The following ECT2L variants were observed in gnomAD, a reference collection of about 807,000 sequenced individuals.
ECT2L encodes epithelial cell-transforming sequence 2 oncogene-like.
In ECT2L, 126 loss-of-function variants were observed where a neutral mutation model predicts 122.8. The observed-to-expected ratio is 1.03, with a 90% CI of 0.89 to 1.19. The LOEUF is 1.19. Among genes scored for constraint, ECT2L ranks in the 50% most tolerant of loss-of-function variants. The pLI, the probability that ECT2L is intolerant of heterozygous loss-of-function variation, is 0.00. For synonymous variants in ECT2L, 385 were observed against 381.8 expected, an observed-to-expected ratio of 1.01 and a Z score of -0.10; for missense variants, 1,012 against 1,064.1, an observed-to-expected ratio of 0.95 and a Z score of 0.68.
intron 1 of ECT2L, among the ~76,000 whole-genome samples, chr6:138,796,393 A>G (rs953137195): frequency 1.4e-4 from 21 of 152,184 alleles, no homozygotes; most frequent in African/African-American, 4.8e-4. Flanking sequence ...TCTGGGGAGA[A>G]ACAAAATCCA....
At chr6:138,803,894 T>C (rs557777101) in intron 1 of ECT2L, among the ~76,000 whole-genome samples, 2 of 152,382 alleles carry the variant, frequency 1.3e-5, no homozygotes, top group Admixed American at 1.3e-4. Flanking sequence ...ATGTCTGTCT[T>C]ATTCTAGAAT....
At chr6:138,808,729 CTTTT>C (rs748228059) in intron 1 of ECT2L, among the ~76,000 whole-genome samples, 1 of 92,570 alleles carries the variant, frequency 1.1e-5, no homozygotes, top group Non-Finnish European at 2.4e-5. Flanking sequence ...TTTCTCTTTT[CTTTT>C]TTTTTTTTTT....
At chr6:138,844,601 T>G in intron 7 of ECT2L, 21 bp downstream of exon 7, 2 of 1,611,802 alleles carry the variant, frequency 1.2e-6, no homozygotes, top group Non-Finnish European at 1.7e-6. Context: ...TTCCATCTAC[T>G]GAAGGCTCAA....
chr6:138,858,922 C>T (rs938722965), intron 10 of ECT2L, among the ~76,000 whole-genome samples: 5 of 151,860 alleles, frequency 3.3e-5, no homozygotes, highest in Non-Finnish European at 5.9e-5. Context: ...TTCCCAGGCT[C>T]GTCTTGAGCT....
intron 13 of ECT2L, among the ~76,000 whole-genome samples, chr6:138,872,453 G>C (rs1451266389): frequency 1.3e-5 from 2 of 152,178 alleles, no homozygotes; most frequent in Admixed American, 1.3e-4. Flanking sequence ...GCACGGGCTG[G>C]GATGGGAACC....
chr6:138,803,958 T>C (rs1775630988), intron 1 of ECT2L, among the ~76,000 whole-genome samples: 1 of 152,256 alleles, frequency 6.6e-6, no homozygotes, highest in South Asian at 2.1e-4. Flanking sequence ...CGTTGTACTC[T>C]CTCTTCTTGG....
chr6:138,848,100 C>T (rs946120252), intron 8 of ECT2L, among the ~76,000 whole-genome samples: 28 of 152,292 alleles, frequency 1.8e-4, no homozygotes, highest in African/African-American at 6.7e-4. Context: ...GAACGGCATG[C>T]GGGAAACTGC....
intron 9 of ECT2L, among the ~76,000 whole-genome samples, chr6:138,851,133 A>G (rs562549550): frequency 2.0e-5 from 3 of 151,872 alleles, no homozygotes; most frequent in Non-Finnish European, 2.9e-5. Context: ...ATCTCTACAC[A>G]TCCCACATCC....
chr6:138,847,194 C>T (rs1215861384), intron 8 of ECT2L, among the ~76,000 whole-genome samples: 3 of 151,188 alleles, frequency 2.0e-5, no homozygotes, highest in Non-Finnish European at 4.4e-5. Context: ...CGCTTGAACC[C>T]AGGAGATGGA....
At chr6:138,855,032 T>C (rs1562476622) in intron 10 of ECT2L, among the ~76,000 whole-genome samples, 1 of 152,152 alleles carries the variant, frequency 6.6e-6, no homozygotes, top group Non-Finnish European at 1.5e-5. Flanking sequence ...TTAAAATTCT[T>C]TCTACTCCTC....
chr6:138,865,798 C>G (rs1778013380), intron 12 of ECT2L, among the ~76,000 whole-genome samples: 1 of 152,144 alleles, frequency 6.6e-6, no homozygotes, highest in South Asian at 2.1e-4. Flanking sequence ...TTTTCTTTTT[C>G]TCATCTGCAA....
At chr6:138,899,067 G>T (rs1055652217) in intron 20 of ECT2L, among the ~76,000 whole-genome samples, 1 of 151,860 alleles carries the variant, frequency 6.6e-6, no homozygotes, top group Non-Finnish European at 1.5e-5. Context: ...CTACTCTCAG[G>T]AATTGTATCT....
At chr6:138,866,630 G>C (rs907774988) in intron 12 of ECT2L, among the ~76,000 whole-genome samples, 2 of 152,124 alleles carry the variant, frequency 1.3e-5, no homozygotes, top group African/African-American at 4.8e-5. Flanking sequence ...CAAGTGATAA[G>C]AGTATTTATT....
intron 1 of ECT2L, among the ~76,000 whole-genome samples, chr6:138,808,990 G>A (rs1277298482): frequency 1.3e-5 from 2 of 152,046 alleles, no homozygotes; most frequent in Admixed American, 1.3e-4. Flanking sequence ...GCCTCCCAAA[G>A]TGTTGGGATT....
In ECT2L at chr6:138,868,941, C is replaced by T. The variant is rs557853864; in HGVS notation, c.1578+735C>T. 1.6e-3 allele frequency among the ~76,000 whole-genome samples: 239 copies of T among 152,152 alleles called. 1 individual carries two copies. The highest frequency in any genetic ancestry group is 5.5e-3 in the African/African-American group (228 of 41,512). On this transcript the variant is annotated intron_variant, in intron 13 of 21. Coordinates refer to ENST00000541398, the MANE Select transcript of ECT2L (RefSeq NM_001077706.3). ...CAGCACTTTGGGAGGCCGAGGCAGGCGGATCATTTGAGATCAGGAGTTGGA... is the reference window on the plus strand; with the variant it reads ...CAGCACTTTGGGAGGCCGAGGCAGGTGGATCATTTGAGATCAGGAGTTGGA...
chr6:138,805,312 T>C (rs1727252511), intron 1 of ECT2L, among the ~76,000 whole-genome samples: 1 of 152,204 alleles, frequency 6.6e-6, no homozygotes, highest in Admixed American at 6.5e-5. Context: ...CACATGTATA[T>C]TTTTTCCAGT....
intron 5 of ECT2L, among the ~76,000 whole-genome samples, chr6:138,841,494 C>T (rs1334203798): frequency 2.6e-5 from 4 of 152,336 alleles, no homozygotes; most frequent in African/African-American, 9.6e-5. Flanking sequence ...TATTATCCTT[C>T]CTGAAAAGAA....
rs1171633618 is a variant in ECT2L at position 138,842,792 on chromosome 6, TA to T, written c.343-179del. Among the ~76,000 whole-genome samples the T allele has an allele frequency of 2.6e-5, 4 of 152,108 alleles. No homozygotes were observed. In the South Asian group the frequency reaches 8.3e-4, roughly 32 times the overall value. On this transcript the variant is annotated intron_variant, in intron 5 of 21. Transcript: ENST00000541398. ...GTCTCAAAATAAGTAAAATAAAATATAAAAAAAATTAAAACTTTCAATTTTA... is the reference window on the plus strand; with the variant it reads ...GTCTCAAAATAAGTAAAATAAAATATAAAAAAATTAAAACTTTCAATTTTA...
At chr6:138,847,354 A>ATT (rs1562471985) in intron 8 of ECT2L, among the ~76,000 whole-genome samples, 11 of 111,060 alleles carry the variant, frequency 9.9e-5, no homozygotes, top group African/African-American at 4.4e-4. Flanking sequence ...AAAGGCCCAA[A>ATT]CTTTTTTTTT....
Sources: gnomAD v4.1 joint callset for allele counts (sites outside exome capture counted in the v4.1 genomes callset) on GRCh38, gnomAD v4.1.1 for gene constraint, MANE v1.5 for transcripts, NCBI Gene and HGNC (gene_info 2026-07-23, HGNC 2026-07-21) for gene names.